The following SLC8A1 variants were observed in gnomAD, a reference collection of about 807,000 sequenced individuals.
SLC8A1 encodes the protein sodium/calcium exchanger 1.
Under a neutral mutation model 68.3 loss-of-function variants are expected in SLC8A1, and 18 were observed. The ratio of observed to expected loss-of-function variants is 0.26; its 90% CI spans 0.18 to 0.39. The LOEUF is 0.39. Among genes scored for constraint, SLC8A1 ranks in the 10% least tolerant of loss-of-function variants. The pLI is 1.00. For synonymous variants in SLC8A1, 475 were observed against 415.5 expected, an observed-to-expected ratio of 1.14 and a Z score of -1.74; for missense variants, 985 against 1,156.7, an observed-to-expected ratio of 0.85 and a Z score of 2.15.
At chr2:40,433,511 C>G (rs1201184410) in intron 1 of SLC8A1, among the ~76,000 whole-genome samples, 3 of 152,084 alleles carry the variant, frequency 2.0e-5, no homozygotes, top group African/African-American at 7.2e-5. Context: ...TTCCATTAGC[C>G]AGCATTGCTG....
intron 2 of SLC8A1, among the ~76,000 whole-genome samples, chr2:40,381,982 C>G (rs1166564999): frequency 1.3e-5 from 2 of 152,020 alleles, no homozygotes; most frequent in Non-Finnish European, 2.9e-5. Flanking sequence ...GACTGATCTC[C>G]TATCTCCTCG....
At chr2:40,451,476 C>T (rs1224583111) in intron 1 of SLC8A1, among the ~76,000 whole-genome samples, 1 of 152,146 alleles carries the variant, frequency 6.6e-6, no homozygotes, top group Admixed American at 6.5e-5. Context: ...GAGGGATGTC[C>T]GCGGAGAAGA....
intron 2 of SLC8A1, among the ~76,000 whole-genome samples, chr2:40,322,723 G>A (rs890293957): frequency 2.0e-5 from 3 of 151,336 alleles, no homozygotes; most frequent in East Asian, 1.9e-4. Flanking sequence ...GCCTTCACAA[G>A]TATCTATAAA....
chr2:40,388,491 G>T (rs1575976602), intron 2 of SLC8A1, among the ~76,000 whole-genome samples: 1 of 152,182 alleles, frequency 6.6e-6, no homozygotes, highest in East Asian at 1.9e-4. Flanking sequence ...ACCATGAGAA[G>T]GACCCATTTA....
chr2:40,135,465 TGGGGGCGGCAGGGG>T (rs2040322832), intron 7 of SLC8A1, among the ~76,000 whole-genome samples: 1 of 151,868 alleles, frequency 6.6e-6, no homozygotes, highest in Non-Finnish European at 1.5e-5. Context: ...TCCAGCACTT[TGGGGGCGGCAGGGG>T]AGGGGTGGCA....
At chr2:40,198,418 G>T (rs1424186769) in intron 2 of SLC8A1, among the ~76,000 whole-genome samples, 1 of 151,866 alleles carries the variant, frequency 6.6e-6, no homozygotes, top group African/African-American at 2.4e-5. Flanking sequence ...TTTATTTAGT[G>T]TGCTCTCTGA....
chr2:40,357,418 G>T (rs978204542), intron 2 of SLC8A1, among the ~76,000 whole-genome samples: 10 of 149,260 alleles, frequency 6.7e-5, no homozygotes, highest in African/African-American at 2.5e-4. Context: ...GATTGCTTGA[G>T]CCCAGGAGGT....
chr2:40,349,241 C>T (rs1670310226), intron 2 of SLC8A1, among the ~76,000 whole-genome samples: 1 of 152,122 alleles, frequency 6.6e-6, no homozygotes, highest in Non-Finnish European at 1.5e-5. Context: ...AAACCGAAGA[C>T]ATGTCTTAAT....
At chr2:40,505,960 C>G (rs943046887) in intron 1 of SLC8A1, among the ~76,000 whole-genome samples, 1 of 151,948 alleles carries the variant, frequency 6.6e-6, no homozygotes, top group African/African-American at 2.4e-5. Context: ...ATCAATTACT[C>G]TTTGTCTGGT....
At chr2:40,297,437 C>T (rs772391346) in intron 2 of SLC8A1, among the ~76,000 whole-genome samples, 13 of 152,128 alleles carry the variant, frequency 8.5e-5, no homozygotes, top group Non-Finnish European at 1.5e-4. Context: ...AAAATCCTAC[C>T]TAGATTTATC....
intron 2 of SLC8A1, among the ~76,000 whole-genome samples, chr2:40,417,347 G>T (rs919369264): frequency 1.3e-5 from 2 of 152,050 alleles, no homozygotes; most frequent in African/African-American, 4.8e-5. Context: ...CTTTGGGAAG[G>T]TTGGCCCAGG....
intron 7 of SLC8A1, among the ~76,000 whole-genome samples, chr2:40,131,307 CTT>C (rs1329542554): frequency 6.6e-6 from 1 of 152,230 alleles, no homozygotes; most frequent in African/African-American, 2.4e-5. Flanking sequence ...TGTGCTAAGA[CTT>C]TGCATAACTT....
chr2:40,489,201 G>C (rs559674828), intron 1 of SLC8A1, among the ~76,000 whole-genome samples: 20 of 152,168 alleles, frequency 1.3e-4, no homozygotes, highest in Admixed American at 1.1e-3. Context: ...CACATCGCTA[G>C]CAATTTATAA....
intron 2 of SLC8A1, among the ~76,000 whole-genome samples, chr2:40,405,610 A>G (rs1041399416): frequency 2.6e-5 from 4 of 152,196 alleles, no homozygotes; most frequent in African/African-American, 4.8e-5. Context: ...ACTTACTTGC[A>G]TGGTGGTTTA....
At position 40,274,682 on chromosome 2, in the gene SLC8A1, T is replaced by C. The variant is rs990832531; in HGVS notation, c.1809-96827A>G. Reference sequence around the variant, plus strand: ...TTCTTTAGAAAATTCATTTAACTGCTGATAGTAAATCAAAATTCTACATTG... The same window carrying C: ...TTCTTTAGAAAATTCATTTAACTGCCGATAGTAAATCAAAATTCTACATTG... On this transcript the variant is annotated intron_variant, in intron 2 of 7. Transcript: ENST00000406785. Among the ~76,000 whole-genome samples, 3 of 152,250 alleles carry C rather than the reference T, an allele frequency of 2.0e-5. No individual in the cohort carries two copies. The South Asian group carries it at 6.2e-4, about 31-fold the overall frequency.
intron 2 of SLC8A1, among the ~76,000 whole-genome samples, chr2:40,232,391 GTTA>G (rs2059767215): frequency 1.8e-5 from 1 of 54,414 alleles, no homozygotes; most frequent in African/African-American, 5.3e-5. Flanking sequence ...TATGGTGCAA[GTTA>G]TTTTTTTTTT....
intron 2 of SLC8A1, among the ~76,000 whole-genome samples, chr2:40,218,909 G>T (rs2057901557): frequency 6.6e-6 from 1 of 152,158 alleles, no homozygotes; most frequent in Admixed American, 6.5e-5. Flanking sequence ...AACGTTTGTG[G>T]CAGGGAGTTA....
chr2:40,210,996 T>C (rs1312175873), intron 2 of SLC8A1, among the ~76,000 whole-genome samples: 1 of 152,238 alleles, frequency 6.6e-6, no homozygotes, highest in East Asian at 1.9e-4. Context: ...ACCCTCATTT[T>C]CTAGTGGTAT....
intron 2 of SLC8A1, among the ~76,000 whole-genome samples, chr2:40,270,030 G>A (rs900645481): frequency 6.6e-6 from 1 of 152,088 alleles, no homozygotes; most frequent in South Asian, 2.1e-4. Flanking sequence ...TCTAGAGTGG[G>A]CAACTGTACA....
Sources: gnomAD v4.1 joint callset for allele counts (sites outside exome capture counted in the v4.1 genomes callset) on GRCh38, gnomAD v4.1.1 for gene constraint, MANE v1.5 for transcripts, NCBI Gene and HGNC (gene_info 2026-07-23, HGNC 2026-07-21) for gene names.